SLC44A5: variants seen among roughly 807,000 people sequenced by gnomAD.
The protein encoded by SLC44A5 is choline transporter-like protein 5.
SLC44A5 carries 57 observed loss-of-function variants against 101.8 expected under a neutral mutation model. The ratio of observed to expected loss-of-function variants is 0.56; its 90% CI spans 0.45 to 0.70. The LOEUF is 0.70. Ranked by LOEUF, SLC44A5 falls within the 30% of genes least tolerant of loss-of-function variation. The pLI is 0.00. For missense variants in SLC44A5, 737 were observed against 853.1 expected (o/e 0.86, Z 1.70); for synonymous variants, 281 against 290.9 (o/e 0.97, Z 0.35).
At chr1:75,614,809 T>C (rs903955089), upstream of SLC44A5, among the ~76,000 whole-genome samples, 1 of 152,084 alleles carries the variant, frequency 6.6e-6, no homozygotes, top group Non-Finnish European at 1.5e-5. Context: ...TCAGGTCCAG[T>C]TCCCCCGCGC....
At chr1:75,322,366 C>G (rs954823880) in intron 4 of SLC44A5, among the ~76,000 whole-genome samples, 2 of 151,484 alleles carry the variant, frequency 1.3e-5, no homozygotes, top group African/African-American at 4.9e-5. Context: ...CAAAAGTAAC[C>G]AATACATCCT....
At chr1:75,663,670 T>C in the SLC44A5 span, among the ~76,000 whole-genome samples, 4 of 152,080 alleles carry the variant, frequency 2.6e-5, no homozygotes, top group Non-Finnish European at 5.9e-5. Context: ...CAGCCAAAAA[T>C]AGTCCCAGAC....
intron 12 of SLC44A5, among the ~76,000 whole-genome samples, chr1:75,230,160 C>A (rs1444238301): frequency 2.0e-5 from 3 of 152,058 alleles, no homozygotes; most frequent in Non-Finnish European, 2.9e-5. Flanking sequence ...TATGGCTCTT[C>A]TTCATGTATG....
chr1:75,534,548 T>C (rs1449590647), intron 2 of SLC44A5, among the ~76,000 whole-genome samples: 1 of 152,234 alleles, frequency 6.6e-6, no homozygotes, highest in African/African-American at 2.4e-5. Flanking sequence ...CAGACAGGGT[T>C]GGTTAGCCTG....
intron 1 of SLC44A5, among the ~76,000 whole-genome samples, chr1:75,599,311 T>C (rs995934149): frequency 2.0e-5 from 3 of 152,134 alleles, no homozygotes; most frequent in Admixed American, 6.5e-5. Flanking sequence ...GAGCACTGTT[T>C]TTTCAAGCAT....
intron 18 of SLC44A5, 42 bp from the exon 19 acceptor site, chr1:75,215,899 T>C (rs1171786075): frequency 1.1e-5 from 12 of 1,072,956 alleles, no homozygotes; most frequent in Non-Finnish European, 1.7e-5. Flanking sequence ...GATTTGCAGC[T>C]GAACCTTATC....
chr1:75,682,522 T>C, the SLC44A5 span, among the ~76,000 whole-genome samples: 1 of 150,722 alleles, frequency 6.6e-6, no homozygotes, highest in Non-Finnish European at 1.5e-5. Flanking sequence ...CCCTATTTAA[T>C]AAATGGTGCT....
chr1:75,571,155 C>T (rs572117852), intron 1 of SLC44A5, among the ~76,000 whole-genome samples: 11 of 151,952 alleles, frequency 7.2e-5, no homozygotes, highest in African/African-American at 2.7e-4. Context: ...AGAGACATTC[C>T]CAAAAATGTT....
the SLC44A5 span, among the ~76,000 whole-genome samples, chr1:75,619,030 A>C: frequency 1.5e-5 from 2 of 136,326 alleles, no homozygotes; most frequent in African/African-American, 2.7e-5. Context: ...AGACTGCACC[A>C]TTGCACTCCA....
At chr1:75,647,529 G>A in the SLC44A5 span, among the ~76,000 whole-genome samples, 11 of 152,230 alleles carry the variant, frequency 7.2e-5, no homozygotes, top group Admixed American at 2.0e-4. Context: ...AGCTTGCACC[G>A]TGCACCTGGA....
chr1:75,630,248 C>A, the SLC44A5 span, among the ~76,000 whole-genome samples: 7,850 of 152,200 alleles, frequency 0.052, 686 homozygotes, highest in African/African-American at 0.18. Flanking sequence ...TTGTCTGCCT[C>A]TTTTCTGTCT....
intron 2 of SLC44A5, among the ~76,000 whole-genome samples, chr1:75,487,650 G>C (rs1668222716): frequency 6.6e-6 from 1 of 152,132 alleles, no homozygotes; most frequent in African/African-American, 2.4e-5. Context: ...TCTAAAATAT[G>C]GTCATCTGTC....
At chr1:75,620,968 T>C in the SLC44A5 span, among the ~76,000 whole-genome samples, 2 of 152,160 alleles carry the variant, frequency 1.3e-5, no homozygotes, top group South Asian at 4.1e-4. Flanking sequence ...TGGTTTTAGG[T>C]CTTACATTTA....
At chr1:75,214,923 C>T (rs1323530860) in intron 19 of SLC44A5, among the ~76,000 whole-genome samples, 1 of 152,156 alleles carries the variant, frequency 6.6e-6, no homozygotes, top group Admixed American at 6.6e-5. Flanking sequence ...GATTAGACAG[C>T]CTTAAACAGA....
Position 75,214,604 on chromosome 1 carries a change from C to T in SLC44A5, c.1802+1G>A. ...TTACATTGTGCAGCCTGATTACTTACTTCAAAACATTTCTCATCAGCAGAT... is the reference window on the plus strand; with the variant it reads ...TTACATTGTGCAGCCTGATTACTTATTTCAAAACATTTCTCATCAGCAGAT... On this transcript the variant is annotated splice_donor_variant, in intron 20 of 23. Transcript: ENST00000370859. LOFTEE classifies it high-confidence loss of function. The T allele has an allele frequency of 6.2e-7, 1 of 1,611,118 alleles. No individual in the cohort carries two copies. The highest frequency in any genetic ancestry group is 2.2e-5 in the East Asian group (1 of 44,748).
chr1:75,220,697 T>C (rs1647059614), intron 14 of SLC44A5, among the ~76,000 whole-genome samples: 2 of 152,164 alleles, frequency 1.3e-5, no homozygotes, highest in African/African-American at 2.4e-5. Context: ...TGTTACATGA[T>C]CTTTTCAGCA....
chr1:75,683,596 G>C, the SLC44A5 span, among the ~76,000 whole-genome samples: 1 of 152,066 alleles, frequency 6.6e-6, no homozygotes, highest in Non-Finnish European at 1.5e-5. Context: ...TCACTCTCTG[G>C]GGACTGTTGT....
intron 6 of SLC44A5, among the ~76,000 whole-genome samples, chr1:75,269,647 T>C (rs1298264076): frequency 6.6e-6 from 1 of 152,194 alleles, no homozygotes; most frequent in Non-Finnish European, 1.5e-5. Context: ...CAATACTATT[T>C]ATTTAATAAT....
chr1:75,543,216 G>T (rs577910875), intron 1 of SLC44A5, among the ~76,000 whole-genome samples: 1 of 152,122 alleles, frequency 6.6e-6, no homozygotes, highest in East Asian at 1.9e-4. Flanking sequence ...GTTGTTACAA[G>T]CTGAACATCA....
Sources: gnomAD v4.1 joint callset for allele counts (sites outside exome capture counted in the v4.1 genomes callset) on GRCh38, gnomAD v4.1.1 for gene constraint, MANE v1.5 for transcripts, NCBI Gene and HGNC (gene_info 2026-07-23, HGNC 2026-07-21) for gene names.